Variants in LRRC37A2 observed in about 807,000 individuals in gnomAD.
LRRC37A2 encodes leucine rich repeat containing 37 member A2.
In LRRC37A2, 9 loss-of-function variants were observed where a neutral mutation model predicts 68.8. The observed-to-expected ratio is 0.13, with a 90% confidence interval of 0.08 to 0.23. LRRC37A2 has a LOEUF of 0.23. LRRC37A2 is among the 10% of genes least tolerant of loss of function. The probability of loss-of-function intolerance (pLI) is 1.00; values close to 1 mark genes in which losing one functional copy is unlikely to be tolerated. For synonymous variants in LRRC37A2, 63 were observed against 367.6 expected (o/e 0.17, Z 9.48); for missense variants, 168 against 950.4 (o/e 0.18, Z 10.82).
chr17:46,541,674 T>C (rs1244652136), intron 8 of LRRC37A2, among the ~76,000 whole-genome samples: 1 of 150,914 alleles, frequency 6.6e-6, no homozygotes, highest in Non-Finnish European at 1.5e-5. Context: ...GGATGGGGAA[T>C]ATTTGGAAAA....
At chr17:46,931,137 T>C in the LRRC37A2 span, 3 of 1,611,136 alleles carry the variant, frequency 1.9e-6, no homozygotes, top group African/African-American at 1.3e-5. Flanking sequence ...AGACCAGATA[T>C]TCAGCCGTCT....
the LRRC37A2 span, chr17:46,876,181 G>A: frequency 6.8e-7 from 1 of 1,463,372 alleles, no homozygotes; most frequent in African/African-American, 1.4e-5. Context: ...TTGGTGCTCT[G>A]GGGGCAGGCT....
At chr17:47,003,068 G>A in the LRRC37A2 span, among the ~76,000 whole-genome samples, 1 of 149,864 alleles carries the variant, frequency 6.7e-6, no homozygotes, top group Non-Finnish European at 1.5e-5. Context: ...AGAGCCCCCC[G>A]ACCCCCCCAA....
the LRRC37A2 span, among the ~76,000 whole-genome samples, chr17:46,478,638 C>CCTA: frequency 9.0e-6 from 1 of 111,664 alleles, no homozygotes; most frequent in East Asian, 2.2e-4. Context: ...AAGTAAAGTA[C>CCTA]CTACCATTAA....
the LRRC37A2 span, among the ~76,000 whole-genome samples, chr17:46,496,602 C>CGGGGGA: frequency 1.3e-5 from 1 of 79,434 alleles, no homozygotes; most frequent in African/African-American, 5.3e-5. Context: ...GACTCCATCT[C>CGGGGGA]AAAAGAAAAA....
the LRRC37A2 span, among the ~76,000 whole-genome samples, chr17:46,955,190 A>G: frequency 6.6e-6 from 1 of 152,012 alleles, no homozygotes; most frequent in Non-Finnish European, 1.5e-5. Context: ...GATACGTCCC[A>G]TCAATACCTA....
the LRRC37A2 span, among the ~76,000 whole-genome samples, chr17:46,767,909 C>T: frequency 6.6e-6 from 1 of 152,232 alleles, no homozygotes; most frequent in African/African-American, 2.4e-5. Context: ...CTGCCTCAGC[C>T]TCCCAAGCAG....
chr17:46,951,204 G>A, the LRRC37A2 span, among the ~76,000 whole-genome samples: 1 of 152,162 alleles, frequency 6.6e-6, no homozygotes, highest in Non-Finnish European at 1.5e-5. Context: ...GGCAGACAGA[G>A]GTGGACGCAG....
chr17:46,871,429 T>G, the LRRC37A2 span, among the ~76,000 whole-genome samples: 1 of 152,220 alleles, frequency 6.6e-6, no homozygotes, highest in Admixed American at 6.5e-5. Context: ...ATCTGTTGTA[T>G]GACCAGTCCA....
the LRRC37A2 span, among the ~76,000 whole-genome samples, chr17:46,787,507 A>C: frequency 6.6e-6 from 1 of 152,174 alleles, no homozygotes; most frequent in African/African-American, 2.4e-5. Flanking sequence ...CACTGGTTGG[A>C]GGCAGTGCAG....
the LRRC37A2 span, among the ~76,000 whole-genome samples, chr17:46,580,535 C>CAA: frequency 0.13 from 8,868 of 70,032 alleles, 15 homozygotes; most frequent in Middle Eastern, 0.21. Context: ...CCCATCTCTG[C>CAA]AAAAAAAAAC....
At chr17:46,719,730 A>G in the LRRC37A2 span, among the ~76,000 whole-genome samples, 2 of 152,158 alleles carry the variant, frequency 1.3e-5, no homozygotes, top group Non-Finnish European at 2.9e-5. The surrounding 1 kb of genome is among the most constrained non-coding windows in gnomAD (Gnocchi z 4.3). Context: ...TACTAGTTCT[A>G]TTCGTGCCAT....
At chr17:46,913,297 C>T in the LRRC37A2 span, among the ~76,000 whole-genome samples, 1 of 152,338 alleles carries the variant, frequency 6.6e-6, no homozygotes, top group South Asian at 2.1e-4. Context: ...TACCTCACAC[C>T]GGGCACTGAG....
intron 3 of LRRC37A2, among the ~76,000 whole-genome samples, chr17:46,519,864 G>A (rs1469929366): frequency 7.1e-6 from 1 of 140,600 alleles, no homozygotes; most frequent in Non-Finnish European, 1.5e-5. Flanking sequence ...TAAGGTTTGG[G>A]AAAAGAGAGG....
the LRRC37A2 span, chr17:46,872,564 C>A: frequency 1.3e-6 from 2 of 1,589,430 alleles, no homozygotes; most frequent in Admixed American, 1.7e-5. Flanking sequence ...TTGGGCACTG[C>A]GGCAGCCCCG....
At chr17:46,909,011 C>T in the LRRC37A2 span, among the ~76,000 whole-genome samples, 1 of 152,176 alleles carries the variant, frequency 6.6e-6, no homozygotes, top group African/African-American at 2.4e-5. Context: ...TTCCAGGAGC[C>T]TGCAGTCTCA....
chr17:46,416,975 G>A, the LRRC37A2 span, among the ~76,000 whole-genome samples: 2 of 132,664 alleles, frequency 1.5e-5, no homozygotes, highest in African/African-American at 5.4e-5. Context: ...GTGTGCGTCC[G>A]TAATCCCAGC....
chr17:46,839,577 C>T, the LRRC37A2 span, among the ~76,000 whole-genome samples: 54 of 152,246 alleles, frequency 3.5e-4, no homozygotes, highest in African/African-American at 7.5e-4. Context: ...TACATGTGCA[C>T]AATGTGCAGG....
At chr17:46,785,871 G>A in the LRRC37A2 span, among the ~76,000 whole-genome samples, 12 of 152,184 alleles carry the variant, frequency 7.9e-5, no homozygotes, top group African/African-American at 2.9e-4. Flanking sequence ...TGTGGAGGGC[G>A]GGGCAGTGCC....
Sources: gnomAD v4.1 joint callset for allele counts (sites outside exome capture counted in the v4.1 genomes callset) on GRCh38, gnomAD v4.1.1 for gene constraint, Gnocchi (gnomAD v3.1) non-coding constraint, MANE v1.5 for transcripts, NCBI Gene and HGNC (gene_info 2026-07-23, HGNC 2026-07-21) for gene names.